EEIG2: variants seen among roughly 807,000 people sequenced by gnomAD.
EEIG2 encodes the protein family with sequence similarity 102 member B.
At chr1:108,637,310 G>C in the EEIG2 span, 1 of 152,146 alleles carries the variant, frequency 6.6e-6, no homozygotes, top group Non-Finnish European at 1.5e-5. Flanking sequence ...TATGTCTTCT[G>C]TAGTCAGCAA....
At chr1:108,582,877 G>A in the EEIG2 span, among the ~76,000 whole-genome samples, 2 of 152,238 alleles carry the variant, frequency 1.3e-5, no homozygotes, top group African/African-American at 4.8e-5. Flanking sequence ...TGCAGTGAAG[G>A]ACAAGACTGG....
chr1:108,631,009 A>G, the EEIG2 span: 1 of 199,086 alleles, frequency 5.0e-6, no homozygotes, highest in African/African-American at 2.3e-5. Flanking sequence ...ACCTACATCA[A>G]CGATTAACTA....
chr1:108,631,984 G>A, the EEIG2 span, among the ~76,000 whole-genome samples: 1 of 151,540 alleles, frequency 6.6e-6, no homozygotes, highest in Non-Finnish European at 1.5e-5. Context: ...TGTGGTGGCG[G>A]GCGCCTGTAA....
the EEIG2 span, among the ~76,000 whole-genome samples, chr1:108,570,362 TA>T: frequency 6.6e-6 from 1 of 152,134 alleles, no homozygotes; most frequent in South Asian, 2.1e-4. Flanking sequence ...TCAAGGAGCC[TA>T]GACTTGGTTC....
chr1:108,601,374 A>C, the EEIG2 span, among the ~76,000 whole-genome samples: 1 of 151,924 alleles, frequency 6.6e-6, no homozygotes, highest in Non-Finnish European at 1.5e-5. Flanking sequence ...TTTAGAATGA[A>C]AGCAAGAGTC....
At chr1:108,589,561 T>C in the EEIG2 span, among the ~76,000 whole-genome samples, 1 of 152,058 alleles carries the variant, frequency 6.6e-6, no homozygotes, top group Non-Finnish European at 1.5e-5. Context: ...CTTTAAAGGT[T>C]TTCCCCTTGG....
chr1:108,617,412 T>C, the EEIG2 span, among the ~76,000 whole-genome samples: 139 of 152,326 alleles, frequency 9.1e-4, 1 homozygote, highest in Non-Finnish European at 1.4e-3. Flanking sequence ...AATGGTGCTC[T>C]CATTTGTTGA....
At chr1:108,633,935 G>A in the EEIG2 span, among the ~76,000 whole-genome samples, 1 of 152,168 alleles carries the variant, frequency 6.6e-6, no homozygotes, top group Non-Finnish European at 1.5e-5. Context: ...TCTCTGCACT[G>A]CAGGCTCGGA....
the EEIG2 span, chr1:108,560,423 C>G: frequency 1.3e-6 from 2 of 1,599,108 alleles, no homozygotes; most frequent in East Asian, 4.5e-5. Flanking sequence ...GCGCCTGGCT[C>G]TCACGATGAT....
At chr1:108,635,274 G>T in the EEIG2 span, 1 of 1,303,128 alleles carries the variant, frequency 7.7e-7, no homozygotes, top group Non-Finnish European at 1.1e-6. Context: ...GCCAATGCTG[G>T]TTTCTTCTCT....
At chr1:108,638,100 CAG>C in the EEIG2 span, 1 of 152,362 alleles carries the variant, frequency 6.6e-6, no homozygotes, top group South Asian at 2.1e-4. Context: ...TTAAGAGAGA[CAG>C]TGTCTTGCTC....
chr1:108,607,249 T>C, the EEIG2 span, among the ~76,000 whole-genome samples: 5 of 152,224 alleles, frequency 3.3e-5, no homozygotes, highest in African/African-American at 9.6e-5. Context: ...GGCTGGCTGC[T>C]TAATTTTAAG....
the EEIG2 span, among the ~76,000 whole-genome samples, chr1:108,614,847 G>A: frequency 2.1e-4 from 32 of 152,120 alleles, no homozygotes; most frequent in Admixed American, 6.5e-4. Context: ...CCACATCTCT[G>A]TTCTACTTAA....
the EEIG2 span, among the ~76,000 whole-genome samples, chr1:108,633,486 T>C: frequency 6.6e-6 from 1 of 152,000 alleles, no homozygotes; most frequent in Non-Finnish European, 1.5e-5. Flanking sequence ...CACAAGGTCT[T>C]GCTGTGTTGC....
chr1:108,563,303 G>A, the EEIG2 span, among the ~76,000 whole-genome samples: 89 of 152,298 alleles, frequency 5.8e-4, 1 homozygote, highest in Non-Finnish European at 5.9e-5. Flanking sequence ...CAAATTTTGG[G>A]CATTGAGTCT....
At chr1:108,620,549 GGC>G in the EEIG2 span, among the ~76,000 whole-genome samples, 1 of 152,178 alleles carries the variant, frequency 6.6e-6, no homozygotes, top group African/African-American at 2.4e-5. Context: ...GGAATGTGGT[GGC>G]AAAGCAGATC....
the EEIG2 span, chr1:108,635,181 G>T: frequency 2.0e-5 from 32 of 1,613,456 alleles, no homozygotes; most frequent in Non-Finnish European, 2.5e-5. Context: ...TTTCCTTGTG[G>T]ATTTAAGATG....
At chr1:108,629,470 TTTAAG>T in the EEIG2 span, 2 of 703,922 alleles carry the variant, frequency 2.8e-6, no homozygotes, top group Admixed American at 3.0e-5. Context: ...AACTTTGGTT[TTTAAG>T]TTGTTTATTT....
the EEIG2 span, among the ~76,000 whole-genome samples, chr1:108,594,379 G>A: frequency 6.6e-6 from 1 of 152,134 alleles, no homozygotes; most frequent in African/African-American, 2.4e-5. Context: ...GGAATTGTGC[G>A]GGGTAGAAGC....
Sources: gnomAD v4.1 joint callset for allele counts (sites outside exome capture counted in the v4.1 genomes callset) on GRCh38, gnomAD v4.1.1 for gene constraint, MANE v1.5 for transcripts, NCBI Gene and HGNC (gene_info 2026-07-23, HGNC 2026-07-21) for gene names.